The following CLDN3 variants were observed in gnomAD, a reference collection of about 807,000 sequenced individuals.
CLDN3 encodes the protein claudin-3.
CLDN3 carries 6 observed loss-of-function variants against 16.3 expected under a neutral mutation model. That is an observed-to-expected ratio of 0.37 (90% CI 0.20 to 0.73). CLDN3 has a LOEUF of 0.73. CLDN3 is among the 30% of genes least tolerant of loss of function. The probability of loss-of-function intolerance (pLI) is 0.52; values close to 1 mark genes in which losing one functional copy is unlikely to be tolerated. For synonymous variants in CLDN3, 145 were observed against 150.1 expected (o/e 0.97, Z 0.25); for missense variants, 248 against 305.2 (o/e 0.81, Z 1.40).
In CLDN3 at chr7:73,769,082, G is replaced by C. The variant is rs1554626535; in HGVS notation, c.*305C>G. Reference sequence around the variant, plus strand: ...TGCCCAGCGCGAGCATGGGGGCAGCGGCCCGATGGGGCTCGACGGGGTGGT... The same window carrying C: ...TGCCCAGCGCGAGCATGGGGGCAGCCGCCCGATGGGGCTCGACGGGGTGGT... On this transcript the variant is annotated 3_prime_UTR_variant, in exon 1 of 1. Transcript: ENST00000395145. The C allele has an allele frequency of 5.5e-6, 3 of 544,764 alleles. No individual in the cohort carries two copies. Among genetic ancestry groups the C allele is most frequent in the Non-Finnish European group, 5.9e-6 (2 of 341,398 alleles). The allele number at this position is 544,764 out of a possible 1,614,324, so 33.7% of individuals were successfully genotyped here.
chr7:73,770,086 C>A lies in CLDN3; in HGVS notation c.-37G>T, dbSNP rs1345543732. 3 of 1,449,692 alleles carry A rather than the reference C, an allele frequency of 2.1e-6. No individual in the cohort carries two copies. In the South Asian group the frequency reaches 4.3e-5, roughly 21 times the overall value. The allele number at this position is 1,449,692 out of a possible 1,614,324, so 89.8% of individuals were successfully genotyped here. ...CAAGGCCCGCTCCACCGGGTGGCTC[C>A]GGGTGCGGGGAGACGAGGGGCCGGG... is the stretch of plus-strand genomic sequence containing the variant. On this transcript the variant is annotated 5_prime_UTR_variant, in exon 1 of 1. Transcript: ENST00000395145. This position sits in a 1 kb window ranked among gnomAD's most constrained non-coding sequence, Gnocchi z 5.7.
chr7:73,769,994 C>T lies in CLDN3; in HGVS notation c.56G>A (p.Gly19Asp), dbSNP rs782057893. Reference protein sequence around the residue: ...GTALAVLGWLGTIVCCALPMW... With the variant: ...GTALAVLGWLDTIVCCALPMW... ...GGGCAACGCGCAGCACACGATGGTG[C>T]CCAGCCAGCCCAGCACGGCCAGCGC... Residue 19 changes from glycine to aspartate, a missense_variant, in exon 1 of 1, where the codon GGC becomes GAC. Transcript: ENST00000395145. The T allele has an allele frequency of 1.9e-6, 3 of 1,611,606 alleles. No homozygotes were observed. Among genetic ancestry groups the T allele is most frequent in the East Asian group, 4.5e-5 (2 of 44,834 alleles).
chr7:73,769,142 G>A lies in CLDN3; in HGVS notation c.*245C>T, dbSNP rs1129965. The stretch of plus-strand genomic sequence containing the variant: ...GCGGTCACCCAGGCCCCGTGCTCCA[G>A]AAGGGTGAGGTTTCACAGTCCATGC... On this transcript the variant is annotated 3_prime_UTR_variant, in exon 1 of 1. Coordinates refer to ENST00000395145, the MANE Select transcript of CLDN3 (RefSeq NM_001306.4). The A allele has an allele frequency of 9.8e-7, 1 of 1,022,578 alleles. No individual in the cohort carries two copies. Among genetic ancestry groups the A allele is most frequent in the Admixed American group, 3.5e-5 (1 of 28,510 alleles). 63.3% of individuals were successfully genotyped at this position (1,022,578 alleles called of 1,614,324 possible). A position where few individuals can be genotyped will look rare whatever the true frequency, so the allele number is the denominator to read the frequency against.
At position 73,769,670 on chromosome 7, in the gene CLDN3, G is replaced by A. The variant is rs782475802; in HGVS notation, c.380C>T (p.Ala127Val). Residue 127 changes from alanine to valine, a missense_variant, in exon 1 of 1, where the codon GCC becomes GTC. By Grantham distance (64) the Ala-to-Val change is moderately conservative. Coordinates refer to ENST00000395145, the MANE Select transcript of CLDN3 (RefSeq NM_001306.4). ...CACCGGCACGAGGGTGAGCAGGGCG[G>A]CGAGAAGGAACAGCACGCCTGCCAC... ...TIVAGVLFLL[A>V]ALLTLVPVSW... is the part of the protein sequence containing the mutation. 1 of 1,612,894 alleles carries A rather than the reference G, an allele frequency of 6.2e-7. No homozygotes were observed. Among genetic ancestry groups the A allele is most frequent in the Admixed American group, 1.7e-5 (1 of 59,978 alleles).
chr7:73,770,255 C>T lies in CLDN3; in HGVS notation c.-206G>A. On this transcript the variant is annotated 5_prime_UTR_variant, in exon 1 of 1. Coordinates refer to ENST00000395145, the MANE Select transcript of CLDN3 (RefSeq NM_001306.4). This position sits in a 1 kb window ranked among gnomAD's most constrained non-coding sequence, Gnocchi z 5.7. Reference sequence around the variant, plus strand: ...ACCTGCCTGTGGCTTTGTGGGCGGGCGGCGGCGACTGGGCTGGCCCTGGGC... The same window carrying T: ...ACCTGCCTGTGGCTTTGTGGGCGGGTGGCGGCGACTGGGCTGGCCCTGGGC... 1 of 742,870 alleles carries T rather than the reference C, an allele frequency of 1.3e-6. No individual in the cohort carries two copies. The highest frequency in any genetic ancestry group is 3.1e-5 in the South Asian group (1 of 32,268). The allele number at this position is 742,870 out of a possible 1,614,324, so 46.0% of individuals were successfully genotyped here. A position where few individuals can be genotyped will look rare whatever the true frequency, so the allele number is the denominator to read the frequency against.
chr7:73,769,967 A>T lies in CLDN3; in HGVS notation c.83T>A (p.Met28Lys). 6.2e-7 allele frequency: 1 copy of T among 1,613,472 alleles called. No individual in the cohort carries two copies. The highest frequency in any genetic ancestry group is 8.5e-7 in the Non-Finnish European group (1 of 1,179,908). ...GCCGATGAAGGCCGACACGCGCCAC[A>T]TGGGCAACGCGCAGCACACGATGGT... ...LGTIVCCALP[M>K]WRVSAFIGSN... The change falls in exon 1 of 1, where the codon ATG becomes AAG. Residue 28 changes from methionine (M) to lysine (K), a missense_variant. Transcript: ENST00000395145.
In CLDN3 at chr7:73,769,847, G is replaced by C; in HGVS notation, c.203C>G (p.Ser68Trp). 1.2e-6 allele frequency: 2 copies of C among 1,612,678 alleles called. No individual in the cohort carries two copies. Among genetic ancestry groups the C allele is most frequent in the East Asian group, 2.2e-5 (1 of 44,878 alleles). The change falls in exon 1 of 1, where the codon TCG (serine) becomes TGG (tryptophan). Residue 68 changes from serine (S) to tryptophan (W), a missense_variant. By Grantham distance (177) the Ser-to-Trp change is radical. Coordinates refer to ENST00000395145, the MANE Select transcript of CLDN3 (RefSeq NM_001306.4). Reference sequence around the variant, plus strand: ...AAGGTCCTGTGGCAGTGCCAGCAGCGAGTCGTACACCTTGCACTGCATCTG... The same window carrying C: ...AAGGTCCTGTGGCAGTGCCAGCAGCCAGTCGTACACCTTGCACTGCATCTG... ...TGQMQCKVYD[S>W]LLALPQDLQA...
chr7:73,769,164 A>G lies in CLDN3; in HGVS notation c.*223T>C. The G allele has an allele frequency of 8.4e-7, 1 of 1,193,950 alleles. No individual in the cohort carries two copies. The highest frequency in any genetic ancestry group is 1.6e-5 in the South Asian group (1 of 61,128). 74.0% of individuals were successfully genotyped at this position (1,193,950 alleles called of 1,614,324 possible). A position where few individuals can be genotyped will look rare whatever the true frequency, so the allele number is the denominator to read the frequency against. ...CCAGAAGGGTGAGGTTTCACAGTCC[A>G]TGCAGGTTGGTCCCTGGGCCCCGAA... is the stretch of plus-strand genomic sequence containing the variant. On this transcript the variant is annotated 3_prime_UTR_variant, in exon 1 of 1. Coordinates refer to ENST00000395145, the MANE Select transcript of CLDN3 (RefSeq NM_001306.4).
rs1172712044 is a variant in CLDN3, at chr7:73,769,640, C to T, written c.410G>A (p.Trp137Ter). Residue 137 changes from tryptophan (W) to a stop codon, truncating the protein, a stop_gained, in exon 1 of 1, where the codon TGG becomes TAG. Coordinates refer to ENST00000395145, the MANE Select transcript of CLDN3 (RefSeq NM_001306.4). LOFTEE classifies it high-confidence loss of function. ...AALLTLVPVSWSANTIIRDFY... is the reference protein window; with the variant it reads ...AALLTLVPVS ...GTCCCGGATAATGGTGTTGGCCGAC[C>T]AGGACACCGGCACGAGGGTGAGCAG... The T allele has an allele frequency of 1.2e-6, 2 of 1,612,844 alleles. No homozygotes were observed. Among genetic ancestry groups the T allele is most frequent in the African/African-American group, 1.3e-5 (1 of 74,938 alleles).
rs1554626610 is a variant in CLDN3 at position 73,769,417 on chromosome 7, G to T, written c.633C>A (p.Gly211=). The change falls in exon 1 of 1, where the codon GGC becomes GGA. Residue 211 remains glycine (G), a synonymous_variant. Coordinates refer to ENST00000395145, the MANE Select transcript of CLDN3 (RefSeq NM_001306.4). The stretch of plus-strand genomic sequence containing the variant: ...CGTAGTCCTTGCGGTCGTAGCCTGT[G>T]CCCAGGCTGGCTCCCGGGCCGGTGG... The part of the protein sequence containing the change: ...PRSTGPGASL[G]TGYDRKDYV 1 of 1,602,220 alleles carries T rather than the reference G, an allele frequency of 6.2e-7. No homozygotes were observed. Among genetic ancestry groups the T allele is most frequent in the Non-Finnish European group, 8.5e-7 (1 of 1,179,582 alleles).
chr7:73,769,399 C>T lies in CLDN3; in HGVS notation c.651G>A (p.Lys217=), dbSNP rs1308559670. The part of the protein sequence containing the change: ...GASLGTGYDR[K]DYV ...CTGCGTCTGTCCCTTAGACGTAGTC[C>T]TTGCGGTCGTAGCCTGTGCCCAGGC... The change falls in exon 1 of 1, where the codon AAG becomes AAA. Residue 217 remains lysine, a synonymous_variant. Transcript: ENST00000395145. 2.0e-5 allele frequency: 32 copies of T among 1,598,182 alleles called. No homozygotes were observed. The highest frequency in any genetic ancestry group is 2.6e-5 in the Non-Finnish European group (31 of 1,178,724).
chr7:73,769,151 G>T lies in CLDN3; in HGVS notation c.*236C>A. ...CAGGCCCCGTGCTCCAGAAGGGTGA[G>T]GTTTCACAGTCCATGCAGGTTGGTC... On this transcript the variant is annotated 3_prime_UTR_variant, in exon 1 of 1. Coordinates refer to ENST00000395145, the MANE Select transcript of CLDN3 (RefSeq NM_001306.4). 9.2e-7 allele frequency: 1 copy of T among 1,087,064 alleles called. No homozygotes were observed. Among genetic ancestry groups the T allele is most frequent in the Non-Finnish European group, 1.2e-6 (1 of 801,928 alleles). The allele number at this position is 1,087,064 out of a possible 1,614,324, so 67.3% of individuals were successfully genotyped here.
In CLDN3 at chr7:73,769,657, G is replaced by T. The variant is rs1554626685; in HGVS notation, c.393C>A (p.Thr131=). ...GVLFLLAALL[T]LVPVSWSANT... is the part of the protein sequence containing the mutation. Reference sequence around the variant, plus strand: ...TGGCCGACCAGGACACCGGCACGAGGGTGAGCAGGGCGGCGAGAAGGAACA... The same window carrying T: ...TGGCCGACCAGGACACCGGCACGAGTGTGAGCAGGGCGGCGAGAAGGAACA... Residue 131 remains threonine (T), a synonymous_variant, in exon 1 of 1, where the codon ACC becomes ACA. Coordinates refer to ENST00000395145, the MANE Select transcript of CLDN3 (RefSeq NM_001306.4). The T allele has an allele frequency of 6.2e-7, 1 of 1,613,044 alleles. No individual in the cohort carries two copies. The highest frequency in any genetic ancestry group is 8.5e-7 in the Non-Finnish European group (1 of 1,179,854).
In CLDN3 at chr7:73,769,895, T is replaced by C. The variant is rs782157164; in HGVS notation, c.155A>G (p.Asn52Ser). ...CTGGCCGGTGCTCTGCACCACGCAGTTCATCCACAGGCCCTCCCAGATGTT... is the reference window on the plus strand; with the variant it reads ...CTGGCCGGTGCTCTGCACCACGCAGCTCATCCACAGGCCCTCCCAGATGTT... ...SQNIWEGLWM[N>S]CVVQSTGQMQ... Residue 52 changes from asparagine (N) to serine (S), a missense_variant, in exon 1 of 1, where the codon AAC becomes AGC. Asn to Ser is a conservative substitution (Grantham distance 46). Transcript: ENST00000395145. 4 of 1,613,096 alleles carry C rather than the reference T, an allele frequency of 2.5e-6. No homozygotes were observed. Among genetic ancestry groups the C allele is most frequent in the Non-Finnish European group, 3.4e-6 (4 of 1,179,960 alleles).
rs1274177417 is a variant in CLDN3 at position 73,770,101 on chromosome 7, G to T, written c.-52C>A. On this transcript the variant is annotated 5_prime_UTR_variant, in exon 1 of 1. Transcript: ENST00000395145. The surrounding 1 kb of genome is among the most constrained non-coding windows in gnomAD (Gnocchi z 5.7). ...CGGGTGGCTCCGGGTGCGGGGAGAC[G>T]AGGGGCCGGGGCCGCTGGGCCTGGC... The T allele has an allele frequency of 7.0e-7, 1 of 1,421,064 alleles. No individual in the cohort carries two copies. The highest frequency in any genetic ancestry group is 1.5e-5 in the South Asian group (1 of 65,208). 88.0% of individuals were successfully genotyped at this position (1,421,064 alleles called of 1,614,324 possible).
Position 73,769,152 on chromosome 7 carries a change from G to T in CLDN3, c.*235C>A. 9.0e-7 allele frequency: 1 copy of T among 1,105,890 alleles called. No homozygotes were observed. Among genetic ancestry groups the T allele is most frequent in the Non-Finnish European group, 1.2e-6 (1 of 818,476 alleles). 68.5% of individuals were successfully genotyped at this position (1,105,890 alleles called of 1,614,324 possible). A position where few individuals can be genotyped will look rare whatever the true frequency, so the allele number is the denominator to read the frequency against. ...AGGCCCCGTGCTCCAGAAGGGTGAG[G>T]TTTCACAGTCCATGCAGGTTGGTCC... On this transcript the variant is annotated 3_prime_UTR_variant, in exon 1 of 1. Coordinates refer to ENST00000395145, the MANE Select transcript of CLDN3 (RefSeq NM_001306.4).
At position 73,769,099 on chromosome 7, in the gene CLDN3, C is replaced by T. The variant is rs1786998956; in HGVS notation, c.*288G>A. ...GGGGCAGCGGCCCGATGGGGCTCGA[C>T]GGGGTGGTCAAGTATTGGCGGTCAC... On this transcript the variant is annotated 3_prime_UTR_variant, in exon 1 of 1. Transcript: ENST00000395145. 1 of 665,076 alleles carries T rather than the reference C, an allele frequency of 1.5e-6. No homozygotes were observed. Among genetic ancestry groups the T allele is most frequent in the Non-Finnish European group, 2.3e-6 (1 of 442,168 alleles). 41.2% of individuals were successfully genotyped at this position (665,076 alleles called of 1,614,324 possible).
rs1378643716 is a variant in CLDN3, at chr7:73,769,330, GTGGTGGTGGTGGTGT to G, written c.*42_*56del. The stretch of plus-strand genomic sequence containing the variant: ...GGCCTGGTGCGCGCTCCAGCTCGCG[GTGGTGGTGGTGGTGT>G]TGGTGGTGGTGGTGGTGGTGGGGTC... On this transcript the variant is annotated 3_prime_UTR_variant, in exon 1 of 1. Transcript: ENST00000395145. 9.8e-6 allele frequency: 15 copies of G among 1,523,834 alleles called. No homozygotes were observed. The East Asian group carries it at 1.2e-4, about 12-fold the overall frequency. 94.4% of individuals were successfully genotyped at this position (1,523,834 alleles called of 1,614,324 possible).
rs1787031194 is a variant in CLDN3 at position 73,770,183 on chromosome 7, C to G, written c.-134G>C. ...CGGACGGACTGACTCACCGACGGCG[C>G]GCGCTAACGGCTCGGCTCCATACGC... On this transcript the variant is annotated 5_prime_UTR_variant, in exon 1 of 1. Transcript: ENST00000395145. The surrounding 1 kb of genome is among the most constrained non-coding windows in gnomAD (Gnocchi z 5.7). 1 of 1,301,636 alleles carries G rather than the reference C, an allele frequency of 7.7e-7. No individual in the cohort carries two copies. Among genetic ancestry groups the G allele is most frequent in the African/African-American group, 1.6e-5 (1 of 63,626 alleles). 80.6% of individuals were successfully genotyped at this position (1,301,636 alleles called of 1,614,324 possible). A position where few individuals can be genotyped will look rare whatever the true frequency, so the allele number is the denominator to read the frequency against.
Sources: gnomAD v4.1 joint callset for allele counts on GRCh38, gnomAD v4.1.1 for gene constraint, Gnocchi (gnomAD v3.1) non-coding constraint, MANE v1.5 for transcripts, NCBI Gene and HGNC (gene_info 2026-07-23, HGNC 2026-07-21) for gene names.